The following CEP350 variants were observed in gnomAD, a reference collection of about 807,000 sequenced individuals.
The protein encoded by CEP350 is centrosomal protein 350.
A neutral mutation model predicts 331.8 loss-of-function variants in CEP350; 126 were observed. The ratio of observed to expected loss-of-function variants is 0.38; its 90% CI spans 0.33 to 0.44. CEP350 has a LOEUF of 0.44. Among genes scored for constraint, CEP350 ranks in the 20% least tolerant of loss-of-function variants. CEP350 has a pLI of 1.00. For synonymous variants in CEP350, 1,200 were observed against 1,259.5 expected, an observed-to-expected ratio of 0.95 and a Z score of 1.00; for missense variants, 3,406 against 3,634.6, an observed-to-expected ratio of 0.94 and a Z score of 1.62.
intron 37 of CEP350, among the ~76,000 whole-genome samples, chr1:180,108,170 A>G (rs1661250301): frequency 6.6e-6 from 1 of 152,210 alleles, no homozygotes; most frequent in Admixed American, 6.5e-5. Flanking sequence ...AGCTTTTGCC[A>G]ACACCGAAAT....
chr1:180,020,821 A>T lies in CEP350; in HGVS notation c.3047A>T (p.Glu1016Val), dbSNP rs1252108165. The T allele has an allele frequency of 6.2e-7, 1 of 1,613,106 alleles. No homozygotes were observed. Among genetic ancestry groups the T allele is most frequent in the Admixed American group, 1.7e-5 (1 of 59,738 alleles). Residue 1016 changes from glutamate (E) to valine (V), a missense_variant, in exon 12 of 38, where the codon GAA (glutamate) becomes GTA (valine). Glu to Val is a moderately radical substitution (Grantham distance 121). This residue lies in a region of CEP350 where 1,857 missense variants were observed against 1,909.2 expected (regional missense o/e 0.97). Transcript: ENST00000367607. The stretch of plus-strand genomic sequence containing the variant: ...GTAGCAGAAATTTTAAAAGAAAAGG[A>T]ATTTTGTCCTGGAGAAAGAAATAGT... ...LKVAEILKEK[E>V]FCPGERNSYE...
At chr1:179,957,457 G>A (rs921481811) in intron 1 of CEP350, among the ~76,000 whole-genome samples, 4 of 152,012 alleles carry the variant, frequency 2.6e-5, no homozygotes, top group African/African-American at 9.7e-5. Flanking sequence ...ATTTACTTGT[G>A]GTTATTTTGA....
chr1:180,059,711 A>G (rs1246264174), intron 25 of CEP350, among the ~76,000 whole-genome samples: 1 of 152,126 alleles, frequency 6.6e-6, no homozygotes, highest in South Asian at 2.1e-4. Context: ...GTGTTTGACA[A>G]ATGTTTTTCT....
At position 180,084,214 on chromosome 1, in the gene CEP350, C is replaced by CTAA. The variant is rs760917555; in HGVS notation, c.6285+38_6285+40dup. The CTAA allele has an allele frequency of 2.0e-6, 3 of 1,528,340 alleles. No homozygotes were observed. The South Asian group carries it at 3.8e-5, about 20-fold the overall frequency. 94.7% of individuals were successfully genotyped at this position (1,528,340 alleles called of 1,614,324 possible). A position where few individuals can be genotyped will look rare whatever the true frequency, so the allele number is the denominator to read the frequency against. On this transcript the variant is annotated intron_variant, in intron 31 of 37. Transcript: ENST00000367607. ...GGAAGAAGGGGGTTTAGTATCAAGGCTAATGTGTATGTGACGTCTAAAATG... is the reference window on the plus strand; with the variant it reads ...GGAAGAAGGGGGTTTAGTATCAAGGCTAATAATGTGTATGTGACGTCTAAAATG...
chr1:180,086,551 A>G (rs1659873126), intron 31 of CEP350, among the ~76,000 whole-genome samples: 1 of 151,664 alleles, frequency 6.6e-6, no homozygotes, highest in Admixed American at 6.6e-5. Flanking sequence ...ATATATATAT[A>G]TATATATATA....
At chr1:180,056,994 A>G (rs1348367160) in intron 25 of CEP350, among the ~76,000 whole-genome samples, 1 of 152,000 alleles carries the variant, frequency 6.6e-6, no homozygotes. Flanking sequence ...CTATCCAGTG[A>G]GTTCTTAATT....
At chr1:180,102,748 A>C (rs997838760) in intron 37 of CEP350, among the ~76,000 whole-genome samples, 2 of 152,220 alleles carry the variant, frequency 1.3e-5, no homozygotes, top group African/African-American at 2.4e-5. Context: ...CTCAGTCTTT[A>C]AAATGTCTTT....
intron 10 of CEP350, among the ~76,000 whole-genome samples, chr1:180,014,724 AT>A (rs1359157279): frequency 6.6e-6 from 1 of 152,154 alleles, no homozygotes; most frequent in Non-Finnish European, 1.5e-5. Context: ...TTACTGATTT[AT>A]TTTCCTCTCA....
chr1:179,996,145 A>G (rs527320249), intron 5 of CEP350, among the ~76,000 whole-genome samples: 60 of 152,236 alleles, frequency 3.9e-4, no homozygotes, highest in African/African-American at 1.4e-3. Flanking sequence ...TTGCCATTTT[A>G]CTTGATAGAG....
intron 1 of CEP350, among the ~76,000 whole-genome samples, chr1:179,978,239 T>TG (rs1652018120): frequency 1.3e-5 from 2 of 152,064 alleles, no homozygotes; most frequent in South Asian, 4.1e-4. Flanking sequence ...ATGCTTAACT[T>TG]TATCTTTTAA....
intron 33 of CEP350, among the ~76,000 whole-genome samples, chr1:180,092,254 T>A (rs1003960426): frequency 2.0e-5 from 3 of 152,204 alleles, no homozygotes; most frequent in African/African-American, 7.2e-5. Context: ...TGTTTCTCCT[T>A]CACTAGTTTC....
At chr1:180,007,569 G>A (rs1264794248) in intron 8 of CEP350, among the ~76,000 whole-genome samples, 14 of 152,068 alleles carry the variant, frequency 9.2e-5, no homozygotes, top group African/African-American at 3.4e-4. Flanking sequence ...GTTCACTTTG[G>A]TGATAGTTTC....
chr1:180,024,689 A>C, intron 14 of CEP350, 107 bp downstream of exon 14: 1 of 1,248,556 alleles, frequency 8.0e-7, no homozygotes, highest in Non-Finnish European at 1.1e-6. Flanking sequence ...TTCTTATGGT[A>C]ATGTAATTAG....
In CEP350 at chr1:180,095,535, T is replaced by A; in HGVS notation, c.8524T>A (p.Phe2842Ile). The change falls in exon 35 of 38, where the codon TTT becomes ATT. Residue 2842 changes from phenylalanine (F) to isoleucine (I), a missense_variant. Physicochemically the swap from Phe to Ile is conservative, Grantham distance 21 (BLOSUM62 0). Coordinates refer to ENST00000367607, the MANE Select transcript of CEP350 (RefSeq NM_014810.5). ...TCCATTTCTATAGGAGAGCCCAGTA[T>A]TTGGTGCCAGTGGGCAGGAAGAACT... ...DMCPRPESPV[F>I]GASGQEELAK... The A allele has an allele frequency of 6.2e-7, 1 of 1,613,690 alleles. No homozygotes were observed. Among genetic ancestry groups the A allele is most frequent in the Non-Finnish European group, 8.5e-7 (1 of 1,179,720 alleles).
chr1:180,051,858 CAG>C (rs1171711825), intron 22 of CEP350, among the ~76,000 whole-genome samples: 1 of 152,046 alleles, frequency 6.6e-6, no homozygotes, highest in Non-Finnish European at 1.5e-5. Flanking sequence ...TAGTTTTTCA[CAG>C]GGGTACAGGT....
intron 31 of CEP350, among the ~76,000 whole-genome samples, chr1:180,086,978 G>C (rs1659906305): frequency 6.6e-6 from 1 of 152,126 alleles, no homozygotes; most frequent in South Asian, 2.1e-4. Flanking sequence ...GTAAAAGTAA[G>C]GACTTCAGCC....
chr1:179,995,224 C>CT lies in CEP350; in HGVS notation c.396-1320dup, dbSNP rs398089705. 2.5e-3 allele frequency among the ~76,000 whole-genome samples: 371 copies of CT among 150,250 alleles called. 2 individuals carry two copies. Among genetic ancestry groups the CT allele is most frequent in the African/African-American group, 8.3e-3 (341 of 41,320 alleles). On this transcript the variant is annotated intron_variant, in intron 5 of 37. Coordinates refer to ENST00000367607, the MANE Select transcript of CEP350 (RefSeq NM_014810.5). The stretch of plus-strand genomic sequence containing the variant: ...AGGTCTGGTTTTATAATTTTCTTGA[C>CT]TTTTTTTTTCATGATTCATGTGCTC...
chr1:180,033,568 A>G (rs1306312288), intron 15 of CEP350, among the ~76,000 whole-genome samples: 1 of 152,306 alleles, frequency 6.6e-6, no homozygotes, highest in Non-Finnish European at 1.5e-5. Flanking sequence ...GAATCATAGT[A>G]TATGTACACT....
intron 27 of CEP350, among the ~76,000 whole-genome samples, chr1:180,073,191 C>A (rs1178562598): frequency 2.0e-5 from 3 of 151,694 alleles, no homozygotes; most frequent in African/African-American, 4.8e-5. Flanking sequence ...ATTAAGTGGG[C>A]CTTTGTTAGA....
Sources: gnomAD v4.1 joint callset for allele counts (sites outside exome capture counted in the v4.1 genomes callset) on GRCh38, gnomAD v4.1.1 for gene constraint, gnomAD v4.1.1 regional missense constraint, MANE v1.5 for transcripts, NCBI Gene and HGNC (gene_info 2026-07-23, HGNC 2026-07-21) for gene names.